Variants in MGAT5 observed in about 807,000 individuals in gnomAD.
The protein encoded by MGAT5 is alpha-1,6-mannosylglycoprotein 6-beta-N-acetylglucosaminyltransferase, also known as alpha-1,6-mannosylglycoprotein 6-beta-N-acetylglucosaminyltransferase A.
Under a neutral mutation model 94.3 loss-of-function variants are expected in MGAT5, and 30 were observed. The ratio of observed to expected loss-of-function variants is 0.32; its 90% CI spans 0.24 to 0.43. The LOEUF (loss-of-function observed/expected upper bound fraction) is 0.43. MGAT5 is among the 20% of genes least tolerant of loss of function. The pLI, the probability that MGAT5 is intolerant of heterozygous loss-of-function variation, is 1.00. For missense variants in MGAT5, 691 were observed against 905.5 expected, an observed-to-expected ratio of 0.76 and a Z score of 3.04; for synonymous variants, 310 against 322.9, an observed-to-expected ratio of 0.96 and a Z score of 0.43.
intron 10 of MGAT5, among the ~76,000 whole-genome samples, chr2:134,375,621 A>T (rs1310943330): frequency 3.3e-5 from 5 of 152,210 alleles, no homozygotes; most frequent in African/African-American, 1.2e-4. Context: ...ACTTCAAAAG[A>T]TATGTCTGCC....
At chr2:134,197,898 T>C (rs1178248617) in intron 1 of MGAT5, among the ~76,000 whole-genome samples, 1 of 152,024 alleles carries the variant, frequency 6.6e-6, no homozygotes, top group African/African-American at 2.4e-5. Context: ...AACCCAGAGG[T>C]TGGGTAGATT....
At chr2:134,436,656 G>A (rs1331464363) in intron 14 of MGAT5, among the ~76,000 whole-genome samples, 1 of 152,182 alleles carries the variant, frequency 6.6e-6, no homozygotes, top group Non-Finnish European at 1.5e-5. Flanking sequence ...ATCTAGGGCT[G>A]CCCCAGATTC....
intron 4 of MGAT5, among the ~76,000 whole-genome samples, chr2:134,331,430 T>C (rs1687967378): frequency 6.6e-6 from 1 of 152,158 alleles, no homozygotes; most frequent in African/African-American, 2.4e-5. Context: ...TGAAGGTTAC[T>C]GGAGGAATGC....
intron 10 of MGAT5, among the ~76,000 whole-genome samples, chr2:134,367,035 G>C (rs1399919422): frequency 6.6e-6 from 1 of 152,210 alleles, no homozygotes; most frequent in Admixed American, 6.5e-5. Flanking sequence ...GCTCTGAGAG[G>C]AGGTGAGAGG....
At chr2:134,253,752 C>T (rs16830271), upstream of MGAT5, among the ~76,000 whole-genome samples, 6,039 of 152,260 alleles carry the variant, frequency 0.04, 421 homozygotes, top group African/African-American at 0.14. Flanking sequence ...GCTGGCCATG[C>T]TCAAATAAGA....
chr2:134,150,296 C>T (rs929833172), intron 1 of MGAT5, among the ~76,000 whole-genome samples: 6 of 152,194 alleles, frequency 3.9e-5, no homozygotes, highest in African/African-American at 1.2e-4. Context: ...AAAGCAAACC[C>T]TCTGGATCAT....
chr2:134,187,466 G>A (rs1167016631), intron 1 of MGAT5, among the ~76,000 whole-genome samples: 2 of 152,148 alleles, frequency 1.3e-5, no homozygotes, highest in Non-Finnish European at 2.9e-5. Flanking sequence ...CCTTCCCTAT[G>A]ATTTATTTCA....
intron 1 of MGAT5, among the ~76,000 whole-genome samples, chr2:134,183,713 TA>T (rs1558974856): frequency 6.6e-6 from 1 of 152,222 alleles, no homozygotes; most frequent in African/African-American, 2.4e-5. Flanking sequence ...CTATTATTTT[TA>T]AAAAATAGGC....
chr2:134,376,061 A>G (rs930518024), intron 10 of MGAT5, among the ~76,000 whole-genome samples: 6 of 152,298 alleles, frequency 3.9e-5, no homozygotes, highest in African/African-American at 1.4e-4. Flanking sequence ...GTGATCTTCC[A>G]GGTTCTCAAG....
intron 1 of MGAT5, among the ~76,000 whole-genome samples, chr2:134,232,064 G>A (rs1483581529): frequency 6.9e-6 from 1 of 145,444 alleles, no homozygotes; most frequent in Non-Finnish European, 1.5e-5. Flanking sequence ...CAAGCTGGAA[G>A]CCTAGTGGTC....
intron 9 of MGAT5, among the ~76,000 whole-genome samples, chr2:134,352,532 G>A (rs1277193031): frequency 2.0e-5 from 3 of 152,072 alleles, no homozygotes; most frequent in African/African-American, 7.2e-5. Flanking sequence ...ATGAACTTAT[G>A]TTTCCAAAAG....
intron 1 of MGAT5, among the ~76,000 whole-genome samples, chr2:134,143,037 G>C (rs1054763164): frequency 1.7e-4 from 26 of 152,076 alleles, no homozygotes; most frequent in African/African-American, 6.0e-4. Context: ...TGTGAGACAG[G>C]CCCTCCTCAA....
intron 1 of MGAT5, among the ~76,000 whole-genome samples, chr2:134,193,790 G>A (rs1057184327): frequency 1.3e-5 from 2 of 150,788 alleles, no homozygotes; most frequent in African/African-American, 4.9e-5. Context: ...AATCAATCGC[G>A]ATGAAAGTTG....
At chr2:134,385,382 T>C (rs1025775596) in intron 10 of MGAT5, among the ~76,000 whole-genome samples, 2 of 152,174 alleles carry the variant, frequency 1.3e-5, no homozygotes, top group Non-Finnish European at 2.9e-5. Flanking sequence ...CAAATAAGCA[T>C]TAAAAATTTC....
At chr2:134,172,804 T>C (rs1443938423) in intron 1 of MGAT5, among the ~76,000 whole-genome samples, 1 of 152,250 alleles carries the variant, frequency 6.6e-6, no homozygotes, top group East Asian at 1.9e-4. Flanking sequence ...AGAACATTTA[T>C]ATTTCACAGG....
chr2:134,411,885 G>C (rs959044413), intron 11 of MGAT5, among the ~76,000 whole-genome samples: 2 of 152,204 alleles, frequency 1.3e-5, no homozygotes, highest in African/African-American at 4.8e-5. Context: ...CTGGGGCCCA[G>C]TTATCTTTTC....
Position 134,449,280 on chromosome 2 carries a change from G to T in MGAT5, c.*433G>T. ...GAGGGGACCGCGGGAGGGAGAGGAG[G>T]GATTGATCACAGGCTTCTTTTATTT... On this transcript the variant is annotated 3_prime_UTR_variant, in exon 16 of 16. Transcript: ENST00000281923. 9.5e-6 allele frequency: 2 copies of T among 209,914 alleles called. No homozygotes were observed. The highest frequency in any genetic ancestry group is 9.7e-6 in the Non-Finnish European group (1 of 103,126). The allele number at this position is 209,914 out of a possible 1,614,324, so 13.0% of individuals were successfully genotyped here.
At chr2:134,184,274 C>G (rs558962577) in intron 1 of MGAT5, among the ~76,000 whole-genome samples, 1 of 152,324 alleles carries the variant, frequency 6.6e-6, no homozygotes, top group South Asian at 2.1e-4. Flanking sequence ...CCTTTGAGGA[C>G]AGGAGAGTCC....
intron 1 of MGAT5, among the ~76,000 whole-genome samples, chr2:134,203,835 C>T (rs1418038194): frequency 6.6e-6 from 1 of 152,140 alleles, no homozygotes; most frequent in East Asian, 1.9e-4. Flanking sequence ...TTTGGTGGGC[C>T]TTTAGGCACT....
Sources: gnomAD v4.1 joint callset for allele counts (sites outside exome capture counted in the v4.1 genomes callset) on GRCh38, gnomAD v4.1.1 for gene constraint, MANE v1.5 for transcripts, NCBI Gene and HGNC (gene_info 2026-07-23, HGNC 2026-07-21) for gene names.